Variants in CYTIP observed in about 807,000 individuals in gnomAD.
CYTIP encodes the protein cytohesin-interacting protein.
In CYTIP, 26 loss-of-function variants were observed where a neutral mutation model predicts 43.8. The ratio of observed to expected loss-of-function variants is 0.59; its 90% CI spans 0.44 to 0.82. The LOEUF is 0.82. Among genes scored for constraint, CYTIP ranks in the 40% least tolerant of loss-of-function variants. CYTIP has a pLI of 0.00. For synonymous variants in CYTIP, 162 were observed against 162.9 expected (o/e 0.99, Z 0.04); for missense variants, 426 against 443.1 (o/e 0.96, Z 0.35).
At chr2:157,429,607 A>T (rs1685669835) in intron 5 of CYTIP, among the ~76,000 whole-genome samples, 1 of 152,196 alleles carries the variant, frequency 6.6e-6, no homozygotes, top group Non-Finnish European at 1.5e-5. Flanking sequence ...TGCTCAATAA[A>T]TATGATTTTA....
rs557623238 is a variant in CYTIP at position 157,440,937 on chromosome 2, AT to A, written c.174+2909del. On this transcript the variant is annotated intron_variant, in intron 1 of 7. Transcript: ENST00000264192. ...TCCTACCGAGCTTTCCATTGCAAAG[AT>A]TTTTTTTTTTTGTCCTAAAACTGTG... 8.4e-3 allele frequency among the ~76,000 whole-genome samples: 1,221 copies of A among 145,886 alleles called. 7 individuals are homozygous for A. The highest frequency in any genetic ancestry group is 0.029 in the Middle Eastern group (8 of 280).
rs570659817 is a variant in CYTIP at position 157,425,008 on chromosome 2, G to C, written c.546+2343C>G. Among the ~76,000 whole-genome samples, 7 of 152,046 alleles carry C rather than the reference G, an allele frequency of 4.6e-5. No individual in the cohort carries two copies. The East Asian group carries it at 1.4e-3, about 29-fold the overall frequency. ...ATTCATATGGAAAAAAATTAAATTG[G>C]AATTTTCCCCATACCTCATAATATA... On this transcript the variant is annotated intron_variant, in intron 6 of 7. Coordinates refer to ENST00000264192, the MANE Select transcript of CYTIP (RefSeq NM_004288.5).
intron 6 of CYTIP, among the ~76,000 whole-genome samples, chr2:157,427,139 A>C (rs1468692177): frequency 6.6e-6 from 1 of 152,190 alleles, no homozygotes; most frequent in East Asian, 1.9e-4. Flanking sequence ...TCATAGACAC[A>C]CAGAAGGAGG....
intron 1 of CYTIP, among the ~76,000 whole-genome samples, chr2:157,442,678 T>C (rs1161962771): frequency 1.3e-5 from 2 of 152,206 alleles, no homozygotes; most frequent in African/African-American, 4.8e-5. Flanking sequence ...AAAAGCACTT[T>C]AGATTGAGAA....
chr2:157,428,628 A>T (rs1685650546), intron 5 of CYTIP, among the ~76,000 whole-genome samples: 1 of 152,058 alleles, frequency 6.6e-6, no homozygotes, highest in East Asian at 1.9e-4. Flanking sequence ...TACAACCCCT[A>T]TTTACCTGTG....
At chr2:157,429,313 A>C (rs1558939369) in intron 5 of CYTIP, among the ~76,000 whole-genome samples, 1 of 152,148 alleles carries the variant, frequency 6.6e-6, no homozygotes, top group Non-Finnish European at 1.5e-5. Context: ...TCTTACGAGG[A>C]GTTCATTTGA....
intron 5 of CYTIP, among the ~76,000 whole-genome samples, chr2:157,428,296 C>T (rs1179257958): frequency 6.6e-6 from 1 of 152,192 alleles, no homozygotes; most frequent in Admixed American, 6.5e-5. Context: ...CTGTACCTCT[C>T]TATAAAGATG....
intron 6 of CYTIP, among the ~76,000 whole-genome samples, chr2:157,419,462 C>T (rs931999832): frequency 2.6e-5 from 4 of 152,226 alleles, no homozygotes; most frequent in South Asian, 4.1e-4. Flanking sequence ...TAAGTAGCTG[C>T]CACATGGGTC....
rs754313107 is a variant in CYTIP at position 157,430,658 on chromosome 2, A to G, written c.383-6T>C. 7 of 1,613,128 alleles carry G rather than the reference A, an allele frequency of 4.3e-6. No homozygotes were observed. The highest frequency in any genetic ancestry group is 5.9e-6 in the Non-Finnish European group (7 of 1,179,058). On this transcript the variant is annotated splice_region_variant and splice_polypyrimidine_tract_variant and intron_variant, in intron 4 of 7. Coordinates refer to ENST00000264192, the MANE Select transcript of CYTIP (RefSeq NM_004288.5). The stretch of plus-strand genomic sequence containing the variant: ...GATATTTGCAAGGACATCACCTGGG[A>G]GATGCCAAGAAAAATGAGTGTTATG...
At chr2:157,428,263 T>TCCTTCTTGTAATTA in intron 5 of CYTIP, among the ~76,000 whole-genome samples, 1 of 152,244 alleles carries the variant, frequency 6.6e-6, no homozygotes, top group Admixed American at 6.5e-5. Context: ...AAGTGTTGGT[T>TCCTTCTTGTAATTA]CAAGTTCCTT....
chr2:157,429,682 T>C (rs761779832), intron 5 of CYTIP, among the ~76,000 whole-genome samples: 16 of 152,138 alleles, frequency 1.1e-4, no homozygotes, highest in Non-Finnish European at 1.9e-4. Context: ...AGTATTGTTA[T>C]GGTAGAAAAA....
chr2:157,436,174 T>C (rs1259417987), intron 1 of CYTIP, among the ~76,000 whole-genome samples: 1 of 152,238 alleles, frequency 6.6e-6, no homozygotes, highest in Non-Finnish European at 1.5e-5. Context: ...GATTCTCTAG[T>C]CTTGCTAAAA....
At chr2:157,423,134 T>C (rs894554195) in intron 6 of CYTIP, among the ~76,000 whole-genome samples, 1 of 152,050 alleles carries the variant, frequency 6.6e-6, no homozygotes, top group Non-Finnish European at 1.5e-5. Flanking sequence ...ATCTACACGG[T>C]ATAAATTTAG....
rs745874430 is a variant in CYTIP, at chr2:157,415,731, C to G, written c.1026G>C (p.Leu342Phe). 1 of 1,613,980 alleles carries G rather than the reference C, an allele frequency of 6.2e-7. No individual in the cohort carries two copies. Among genetic ancestry groups the G allele is most frequent in the East Asian group, 2.2e-5 (1 of 44,876 alleles). ...CACGATGAAGGCCAGGGATAAATTT[C>G]AAGAGTTGCTTTCGGACACTTCCCT... ...SRKGSVRKQL[L>F]KFIPGLHRAV... The change falls in exon 8 of 8, where the codon TTG becomes TTC. Residue 342 changes from leucine (L) to phenylalanine (F), a missense_variant. By Grantham distance (22) the Leu-to-Phe change is conservative. Transcript: ENST00000264192.
At chr2:157,434,178 T>C in intron 3 of CYTIP, 192 bp downstream of exon 3, 3 of 628,216 alleles carry the variant, frequency 4.8e-6, no homozygotes. Flanking sequence ...GGTTTTGTTA[T>C]CATCTTCAAT....
chr2:157,427,315 A>G, intron 6 of CYTIP, 36 bp downstream of exon 6: 1 of 1,543,974 alleles, frequency 6.5e-7, no homozygotes, highest in East Asian at 2.3e-5. Context: ...ACATTCAAGG[A>G]TGAAAAATGT....
chr2:157,422,311 G>A (rs767076680), intron 6 of CYTIP, among the ~76,000 whole-genome samples: 31 of 152,132 alleles, frequency 2.0e-4, no homozygotes, highest in Admixed American at 5.2e-4. Context: ...GATGTTTAAT[G>A]ATAAAAAAGA....
intron 2 of CYTIP, 61 bp from the exon 3 acceptor site, chr2:157,434,485 G>A: frequency 1.6e-6 from 2 of 1,272,232 alleles, no homozygotes; most frequent in Non-Finnish European, 2.3e-6. Flanking sequence ...ATTTGGCACA[G>A]ATCTATCATT....
chr2:157,422,629 C>T (rs1169002020), intron 6 of CYTIP, among the ~76,000 whole-genome samples: 1 of 148,942 alleles, frequency 6.7e-6, no homozygotes, highest in Non-Finnish European at 1.5e-5. Context: ...GAGATCATGC[C>T]ACTGCACTCC....
Sources: gnomAD v4.1 joint callset for allele counts (sites outside exome capture counted in the v4.1 genomes callset) on GRCh38, gnomAD v4.1.1 for gene constraint, MANE v1.5 for transcripts, NCBI Gene and HGNC (gene_info 2026-07-23, HGNC 2026-07-21) for gene names.